The following RAB11FIP3 variants were observed in gnomAD, a reference collection of about 807,000 sequenced individuals.
The protein encoded by RAB11FIP3 is rab11 family-interacting protein 3.
In RAB11FIP3, 17 loss-of-function variants were observed where a neutral mutation model predicts 77.8. That is an observed-to-expected ratio of 0.22 (90% CI 0.15 to 0.33). The LOEUF is 0.33. RAB11FIP3 is among the 10% of genes least tolerant of loss of function. The pLI is 1.00. For synonymous variants in RAB11FIP3, 437 were observed against 448.2 expected (o/e 0.98, Z 0.31); for missense variants, 1,005 against 1,011.2 (o/e 0.99, Z 0.08).
chr16:519,779 T>C lies in RAB11FIP3; in HGVS notation c.1748T>C (p.Ile583Thr), dbSNP rs915972290. 1.9e-6 allele frequency: 3 copies of C among 1,612,460 alleles called. No homozygotes were observed. The highest frequency in any genetic ancestry group is 1.7e-4 in the Middle Eastern group (1 of 6,016). ...EEEKQKLLDE[I>T]ESLTLRLSEE... Reference sequence around the variant, plus strand: ...GAGAAGCAGAAGCTGTTGGATGAGATAGAGTCGCTGACGCTGCGGCTCAGT... The same window carrying C: ...GAGAAGCAGAAGCTGTTGGATGAGACAGAGTCGCTGACGCTGCGGCTCAGT... Residue 583 changes from isoleucine to threonine, a missense_variant, in exon 11 of 14, where the codon ATA (isoleucine) becomes ACA (threonine). Ile to Thr is a moderately conservative substitution (Grantham distance 89). Around this residue, in one of 4 missense-constraint regions of RAB11FIP3, gnomAD observed 433 missense variants for 436.1 expected, o/e 0.99. Transcript: ENST00000262305.
rs980963361 is a variant in RAB11FIP3 at position 506,084 on chromosome 16, G to A, written c.1499+457G>A. ...AATGAGCAGTGACTGCTGAGTACGCGACAGGACGCGCAGTCTCATCGCTGT... is the reference window on the plus strand; with the variant it reads ...AATGAGCAGTGACTGCTGAGTACGCAACAGGACGCGCAGTCTCATCGCTGT... On this transcript the variant is annotated intron_variant, in intron 8 of 13. Transcript: ENST00000262305. This position sits in a 1 kb window ranked among gnomAD's most constrained non-coding sequence, Gnocchi z 4.5. 6.6e-6 allele frequency among the ~76,000 whole-genome samples: 1 copy of A among 152,238 alleles called. No individual in the cohort carries two copies. Among genetic ancestry groups the A allele is most frequent in the African/African-American group, 2.4e-5 (1 of 41,456 alleles).
At position 493,845 on chromosome 16, in the gene RAB11FIP3, AC is replaced by A. The variant is rs991858836; in HGVS notation, c.1266-2973del. 4.1e-4 allele frequency among the ~76,000 whole-genome samples: 56 copies of A among 136,956 alleles called. 2 individuals are homozygous for A. The highest frequency in any genetic ancestry group is 8.6e-4 in the Non-Finnish European group (55 of 64,296). 89.8% of individuals were successfully genotyped at this position (136,956 alleles called of 152,430 possible). Reference sequence around the variant, plus strand: ...CGGACCTCGTGATCCGCCCGCCTTGACCCCCCAAAGTGCTGGGATTACAGGC... The same window carrying A: ...CGGACCTCGTGATCCGCCCGCCTTGACCCCCAAAGTGCTGGGATTACAGGC... On this transcript the variant is annotated intron_variant, in intron 5 of 13. Coordinates refer to ENST00000262305, the MANE Select transcript of RAB11FIP3 (RefSeq NM_014700.4).
At chr16:484,178 C>G (rs973730615) in intron 4 of RAB11FIP3, among the ~76,000 whole-genome samples, 6 of 152,272 alleles carry the variant, frequency 3.9e-5, no homozygotes, top group Admixed American at 3.3e-4. Flanking sequence ...TCAAACTGAC[C>G]ATTCCCACGG....
At chr16:500,732 A>T (rs1285361831) in intron 6 of RAB11FIP3, among the ~76,000 whole-genome samples, 1 of 151,776 alleles carries the variant, frequency 6.6e-6, no homozygotes, top group Non-Finnish European at 1.5e-5. Flanking sequence ...TAAGTAAATA[A>T]ATAAGCAGCC....
intron 3 of RAB11FIP3, among the ~76,000 whole-genome samples, chr16:474,478 C>T (rs143456918): frequency 0.011 from 1,684 of 152,104 alleles, 89 homozygotes; most frequent in Admixed American, 0.1. Context: ...ACTGTGGCGC[C>T]GCTGAGTTCC....
At chr16:432,392 A>G (rs1178563927) in intron 1 of RAB11FIP3, among the ~76,000 whole-genome samples, 1 of 152,110 alleles carries the variant, frequency 6.6e-6, no homozygotes, top group Non-Finnish European at 1.5e-5. Flanking sequence ...CTAAAAAGAA[A>G]CTAAAACTAG....
rs888092301 is a variant in RAB11FIP3, at chr16:507,505, C to G, written c.1499+1878C>G. Among the ~76,000 whole-genome samples, 2 of 152,250 alleles carry G rather than the reference C, an allele frequency of 1.3e-5. No homozygotes were observed. Among genetic ancestry groups the G allele is most frequent in the Admixed American group, 6.5e-5 (1 of 15,288 alleles). ...CAAGCGATCCTCCCACCTTGGCCCC[C>G]CAAAGTGCTGAAATCAGAGGCGTGA... On this transcript the variant is annotated intron_variant, in intron 8 of 13. Coordinates refer to ENST00000262305, the MANE Select transcript of RAB11FIP3 (RefSeq NM_014700.4). The surrounding 1 kb of genome is among the most constrained non-coding windows in gnomAD (Gnocchi z 4.6).
intron 2 of RAB11FIP3, among the ~76,000 whole-genome samples, chr16:462,101 G>A (rs994740998): frequency 7.9e-5 from 12 of 152,184 alleles, no homozygotes; most frequent in Admixed American, 7.2e-4. Context: ...TGGCAGTGCG[G>A]AGCCTGTCAC....
chr16:491,912 C>A (rs1421655694), intron 5 of RAB11FIP3, among the ~76,000 whole-genome samples: 2 of 152,214 alleles, frequency 1.3e-5, no homozygotes, highest in Non-Finnish European at 2.9e-5. Context: ...CCTAGCCTAG[C>A]AGAAGAGGTG....
intron 11 of RAB11FIP3, 45 bp from the exon 12 acceptor site, chr16:520,077 C>T (rs1367170993): frequency 3.2e-6 from 5 of 1,539,754 alleles, no homozygotes; most frequent in Non-Finnish European, 4.4e-6. Flanking sequence ...GACGGTGGCC[C>T]CTGGGAGCCC....
rs867717547 is a variant in RAB11FIP3, at chr16:492,397, C to G, written c.1265+3397C>G. On this transcript the variant is annotated intron_variant, in intron 5 of 13. Transcript: ENST00000262305. ...ACCCGAGGCCGCCCAGAGCCCTCCCCGGGAGACCCGAGGCCGCCCAGGGCC... is the reference window on the plus strand; with the variant it reads ...ACCCGAGGCCGCCCAGAGCCCTCCCGGGGAGACCCGAGGCCGCCCAGGGCC... Among the ~76,000 whole-genome samples, 715 of 127,382 alleles carry G rather than the reference C, an allele frequency of 5.6e-3. 8 individuals are homozygous for G. Among genetic ancestry groups the G allele is most frequent in the African/African-American group, 0.015 (493 of 32,496 alleles). The allele number at this position is 127,382 out of a possible 152,430, so 83.6% of individuals were successfully genotyped here.
rs546992551 is a variant in RAB11FIP3 at position 507,405 on chromosome 16, C to T, written c.1499+1778C>T. The stretch of plus-strand genomic sequence containing the variant: ...GGATTACAGGCGTGAGCCACCGTGC[C>T]CGGCCTAGTTTTTAATTTTTTTATA... On this transcript the variant is annotated intron_variant, in intron 8 of 13. Coordinates refer to ENST00000262305, the MANE Select transcript of RAB11FIP3 (RefSeq NM_014700.4). The surrounding 1 kb of genome is among the most constrained non-coding windows in gnomAD (Gnocchi z 4.6). Among the ~76,000 whole-genome samples the T allele has an allele frequency of 6.6e-6, 1 of 152,324 alleles. No individual in the cohort carries two copies. Among genetic ancestry groups the T allele is most frequent in the East Asian group, 1.9e-4 (1 of 5,184 alleles).
chr16:448,489 C>A (rs1207957390), intron 1 of RAB11FIP3, among the ~76,000 whole-genome samples: 1 of 152,114 alleles, frequency 6.6e-6, no homozygotes, highest in Non-Finnish European at 1.5e-5. Flanking sequence ...GTAATCCCAG[C>A]ACTTTGGGAG....
intron 3 of RAB11FIP3, among the ~76,000 whole-genome samples, chr16:481,311 G>A (rs1453643867): frequency 2.0e-5 from 3 of 151,238 alleles, no homozygotes; most frequent in Non-Finnish European, 4.4e-5. Flanking sequence ...AGGAGTTTGA[G>A]ACCAGCCTGG....
At chr16:496,652 G>A (rs764548705) in intron 5 of RAB11FIP3, among the ~76,000 whole-genome samples, 172 bp from the exon 6 acceptor site, 21 of 152,200 alleles carry the variant, frequency 1.4e-4, no homozygotes, top group African/African-American at 2.2e-4. Context: ...CCGTGTCCTT[G>A]CTGTTTTGCT....
intron 2 of RAB11FIP3, among the ~76,000 whole-genome samples, chr16:469,759 A>C (rs1169169341): frequency 2.0e-5 from 3 of 152,084 alleles, no homozygotes; most frequent in Non-Finnish European, 4.4e-5. Flanking sequence ...TCCTGGACTT[A>C]AGCAATCCTC....
intron 1 of RAB11FIP3, among the ~76,000 whole-genome samples, chr16:431,129 G>A (rs2055028498): frequency 6.6e-6 from 1 of 152,154 alleles, no homozygotes; most frequent in African/African-American, 2.4e-5. Context: ...TGTAATATGT[G>A]TGTGCGGTGA....
rs141458343 is a variant in RAB11FIP3, at chr16:503,631, G to T, written c.1395+534G>T. ...GTGGTGGCTCACGCCTGGAATCCCA[G>T]CACATTAGGAGGCCTAGGCGGGCAG... is the stretch of plus-strand genomic sequence containing the variant. On this transcript the variant is annotated intron_variant, in intron 7 of 13. Coordinates refer to ENST00000262305, the MANE Select transcript of RAB11FIP3 (RefSeq NM_014700.4). 2.0e-4 allele frequency among the ~76,000 whole-genome samples: 31 copies of T among 152,248 alleles called. 1 individual carries two copies. Among genetic ancestry groups the T allele is most frequent in the Non-Finnish European group, 8.8e-5 (6 of 68,004 alleles).
At chr16:457,976 G>C (rs573471114) in intron 1 of RAB11FIP3, among the ~76,000 whole-genome samples, 86 of 152,356 alleles carry the variant, frequency 5.6e-4, no homozygotes, top group African/African-American at 2.0e-3. Flanking sequence ...GGTTGATGAT[G>C]GACTTCCGAG....
Sources: allele counts gnomAD v4.1 joint callset (sites outside exome capture counted in the v4.1 genomes callset), GRCh38; gene constraint gnomAD v4.1.1; regional missense constraint gnomAD v4.1.1; non-coding constraint Gnocchi (gnomAD v3.1); transcripts MANE v1.5; gene names NCBI Gene and HGNC (gene_info 2026-07-23, HGNC 2026-07-21).